Variants in SORCS1 observed in about 807,000 individuals in gnomAD.
SORCS1 encodes the protein VPS10 domain-containing receptor SorCS1.
A neutral mutation model predicts 146.1 loss-of-function variants in SORCS1; 60 were observed. The ratio of observed to expected loss-of-function variants is 0.41; its 90% CI spans 0.33 to 0.51. The LOEUF (loss-of-function observed/expected upper bound fraction) is 0.51, where lower values mean the gene tolerates loss of function less well. SORCS1 is among the 20% of genes least tolerant of loss of function. The pLI is 0.21. For synonymous variants in SORCS1, 637 were observed against 584.0 expected (o/e 1.09, Z -1.31); for missense variants, 1,352 against 1,487.6 (o/e 0.91, Z 1.50).
Position 106,634,456 on chromosome 10 carries a change from A to C in SORCS1, c.2476-5068T>G, listed in dbSNP as rs148591123. Reference sequence around the variant, plus strand: ...ATATAACAGAAAAACTGGAGCACAGAGGGGTTAAGATGCATAAAGTCACGC... The same window carrying C: ...ATATAACAGAAAAACTGGAGCACAGCGGGGTTAAGATGCATAAAGTCACGC... On this transcript the variant is annotated intron_variant, in intron 18 of 25. Coordinates refer to ENST00000263054, the MANE Select transcript of SORCS1 (RefSeq NM_052918.5). Among the ~76,000 whole-genome samples, 453 of 152,334 alleles carry C rather than the reference A, an allele frequency of 3.0e-3. 4 individuals are homozygous for C. The highest frequency in any genetic ancestry group is 0.01 in the African/African-American group (435 of 41,580).
intron 1 of SORCS1, among the ~76,000 whole-genome samples, chr10:107,082,277 C>T (rs1963386957): frequency 6.6e-6 from 1 of 152,132 alleles, no homozygotes; most frequent in African/African-American, 2.4e-5. Context: ...TGGAACTTTA[C>T]TTTTCCTACT....
chr10:106,802,498 A>ATTT (rs10707442), intron 3 of SORCS1, among the ~76,000 whole-genome samples: 1 of 138,390 alleles, frequency 7.2e-6, no homozygotes. Context: ...AACCCAGCTA[A>ATTT]TTTTTTTTTT....
At chr10:106,871,380 A>T (rs558314081) in intron 2 of SORCS1, among the ~76,000 whole-genome samples, 2 of 152,322 alleles carry the variant, frequency 1.3e-5, no homozygotes, top group Admixed American at 6.5e-5. Flanking sequence ...CAGCAATCCC[A>T]TTACTGGGAA....
upstream of SORCS1, among the ~76,000 whole-genome samples, chr10:107,166,005 C>G (rs1409321573): frequency 6.6e-6 from 1 of 152,178 alleles, no homozygotes; most frequent in Non-Finnish European, 1.5e-5. Context: ...AAGGATTTCT[C>G]AAAATCCAAT....
chr10:106,596,342 C>T (rs1017041108), intron 24 of SORCS1, among the ~76,000 whole-genome samples: 3 of 152,114 alleles, frequency 2.0e-5, no homozygotes, highest in Non-Finnish European at 4.4e-5. Flanking sequence ...CCATGGAGCA[C>T]CAGCATGGTA....
intron 1 of SORCS1, among the ~76,000 whole-genome samples, chr10:107,024,262 T>C (rs1445496252): frequency 6.6e-6 from 1 of 152,022 alleles, no homozygotes; most frequent in East Asian, 1.9e-4. Context: ...AGCACCTTCT[T>C]CTGGTAAGAG....
chr10:106,776,711 G>A lies in SORCS1; in HGVS notation c.727-19C>T. The A allele has an allele frequency of 6.3e-7, 1 of 1,581,466 alleles. No individual in the cohort carries two copies. The highest frequency in any genetic ancestry group is 2.3e-5 in the East Asian group (1 of 44,374). ...ACATTATCTGCAGCAAAGAATTGTT[G>A]GAGAAAGAAACAACAGAAAATTAAG... On this transcript the variant is annotated intron_variant, in intron 3 of 25. Transcript: ENST00000263054.
intron 1 of SORCS1, among the ~76,000 whole-genome samples, chr10:107,103,775 T>C (rs1190568141): frequency 2.0e-5 from 3 of 152,186 alleles, no homozygotes; most frequent in Admixed American, 2.0e-4. Context: ...GGAATCCCAA[T>C]GAGGAATCCA....
chr10:106,992,819 TTTCTTTC>T lies in SORCS1; in HGVS notation c.559-36246_559-36240del, dbSNP rs1226869520. On this transcript the variant is annotated intron_variant, in intron 1 of 25. Transcript: ENST00000263054. ...CCGAGCTAATTTCTTTCTTCCTTTC[TTTCTTTC>T]TTTTTTTTTTTTTTTTTTTTTTTTG... Among the ~76,000 whole-genome samples the T allele has an allele frequency of 2.9e-3, 339 of 115,854 alleles. 16 individuals carry two copies. The highest frequency in any genetic ancestry group is 0.011 in the African/African-American group (311 of 27,618). The allele number at this position is 115,854 out of a possible 152,430, so 76.0% of individuals were successfully genotyped here.
intron 2 of SORCS1, among the ~76,000 whole-genome samples, chr10:106,845,174 T>C (rs1005731530): frequency 5.5e-5 from 6 of 108,244 alleles, no homozygotes; most frequent in Non-Finnish European, 1.2e-4. Flanking sequence ...TCCACAATGG[T>C]TGAACTAGTT....
intron 2 of SORCS1, among the ~76,000 whole-genome samples, chr10:106,878,620 G>GCATATATATATATATATATATATATATA (rs1554871217): frequency 2.4e-5 from 2 of 84,950 alleles, no homozygotes; most frequent in African/African-American, 9.2e-5. Flanking sequence ...AAACTACCTA[G>GCATATATATATATATATATATATATATA]TATATATATA....
chr10:106,829,805 G>A, intron 2 of SORCS1, 132 bp from the exon 3 acceptor site: 1 of 545,520 alleles, frequency 1.8e-6, no homozygotes, highest in Admixed American at 2.8e-5. Context: ...ATATAATGAT[G>A]CTTAATTATG....
chr10:107,050,009 T>A (rs1405223558), intron 1 of SORCS1, among the ~76,000 whole-genome samples: 1 of 152,198 alleles, frequency 6.6e-6, no homozygotes, highest in East Asian at 1.9e-4. Context: ...AAAATTAGTT[T>A]TTCCACAAGT....
intron 1 of SORCS1, among the ~76,000 whole-genome samples, chr10:107,061,861 C>T (rs909595983): frequency 5.3e-5 from 8 of 152,130 alleles, no homozygotes; most frequent in Middle Eastern, 3.4e-3. Flanking sequence ...TAGAGAAATA[C>T]GTTAACAGAA....
At chr10:107,069,740 T>C (rs1962257791) in intron 1 of SORCS1, among the ~76,000 whole-genome samples, 1 of 152,218 alleles carries the variant, frequency 6.6e-6, no homozygotes, top group Non-Finnish European at 1.5e-5. Flanking sequence ...AAAGAAGTAG[T>C]ACAGAATCCA....
At chr10:106,888,561 T>A (rs1050942540) in intron 2 of SORCS1, among the ~76,000 whole-genome samples, 1 of 152,330 alleles carries the variant, frequency 6.6e-6, no homozygotes, top group African/African-American at 2.4e-5. Context: ...TAGTGGGAAA[T>A]CAATTAGCCT....
chr10:106,706,941 C>T (rs1854576394), intron 7 of SORCS1, among the ~76,000 whole-genome samples: 1 of 152,130 alleles, frequency 6.6e-6, no homozygotes, highest in Non-Finnish European at 1.5e-5. Context: ...TTGCCATCAC[C>T]AGCCCAGGTC....
At chr10:107,093,323 C>G (rs980047134) in intron 1 of SORCS1, among the ~76,000 whole-genome samples, 8 of 152,178 alleles carry the variant, frequency 5.3e-5, no homozygotes, top group African/African-American at 1.9e-4. Flanking sequence ...TGAATGACAT[C>G]TCTTCATTAT....
intron 1 of SORCS1, among the ~76,000 whole-genome samples, chr10:107,037,822 A>AT (rs1958969283): frequency 6.6e-6 from 1 of 151,980 alleles, no homozygotes; most frequent in South Asian, 2.1e-4. Context: ...CACTTTATTG[A>AT]TTTTTATTTA....
Sources: gnomAD v4.1 joint callset for allele counts (sites outside exome capture counted in the v4.1 genomes callset) on GRCh38, gnomAD v4.1.1 for gene constraint, MANE v1.5 for transcripts, NCBI Gene and HGNC (gene_info 2026-07-23, HGNC 2026-07-21) for gene names.